FARS2: variants seen among roughly 807,000 people sequenced by gnomAD.
FARS2 encodes the protein phenylalanyl-tRNA synthetase 2, mitochondrial, also known as phenylalanine--tRNA ligase, mitochondrial.
Under a neutral mutation model 46.4 loss-of-function variants are expected in FARS2, and 40 were observed. The ratio of observed to expected loss-of-function variants is 0.86; its 90% CI spans 0.67 to 1.12. The LOEUF is 1.12. Ranked by LOEUF, FARS2 falls within the 50% of genes most tolerant of loss-of-function variation. FARS2 has a pLI of 0.00. For missense variants in FARS2, 513 were observed against 567.9 expected (o/e 0.90, Z 0.98); for synonymous variants, 234 against 214.9 (o/e 1.09, Z -0.78).
chr6:5,345,516 G>A (rs542709084), intron 1 of FARS2, among the ~76,000 whole-genome samples: 18 of 152,258 alleles, frequency 1.2e-4, no homozygotes, highest in Non-Finnish European at 2.2e-4. Flanking sequence ...CTCCTTTACG[G>A]GGCACTTTAC....
chr6:5,707,212 C>A (rs1470460115), intron 6 of FARS2, among the ~76,000 whole-genome samples: 1 of 152,172 alleles, frequency 6.6e-6, no homozygotes, highest in Non-Finnish European at 1.5e-5. Context: ...ATGGACCTAC[C>A]CCAAGCCGAG....
At chr6:5,318,876 G>A (rs1435033663) in intron 1 of FARS2, among the ~76,000 whole-genome samples, 1 of 152,138 alleles carries the variant, frequency 6.6e-6, no homozygotes. Flanking sequence ...ATGCAGAAAA[G>A]GGCGTGGTTG....
intron 3 of FARS2, among the ~76,000 whole-genome samples, chr6:5,423,835 T>G (rs1762699418): frequency 6.6e-6 from 1 of 152,166 alleles, no homozygotes; most frequent in African/African-American, 2.4e-5. Context: ...ATTGCCAGGT[T>G]TGTAAGGCCC....
At chr6:5,417,476 C>T (rs186275801) in intron 3 of FARS2, among the ~76,000 whole-genome samples, 2 of 152,272 alleles carry the variant, frequency 1.3e-5, no homozygotes, top group Non-Finnish European at 2.9e-5. Context: ...ATTCTCCTTC[C>T]TCGGCCTCCC....
chr6:5,691,965 G>A (rs867197394), intron 6 of FARS2, among the ~76,000 whole-genome samples: 2 of 152,190 alleles, frequency 1.3e-5, no homozygotes, highest in Non-Finnish European at 2.9e-5. Context: ...GCGAGGCTCC[G>A]TGGGCGTAGG....
chr6:5,267,860 A>G (rs961091791), intron 1 of FARS2, among the ~76,000 whole-genome samples: 3 of 151,772 alleles, frequency 2.0e-5, no homozygotes, highest in African/African-American at 7.3e-5. Context: ...CCTCTCCAGC[A>G]CCTTTTGTTT....
chr6:5,317,574 A>G (rs76281592), intron 1 of FARS2, among the ~76,000 whole-genome samples: 1 of 151,720 alleles, frequency 6.6e-6, no homozygotes, highest in African/African-American at 2.4e-5. Flanking sequence ...TGAGCCCAGG[A>G]GCTTGAGACC....
At chr6:5,441,185 G>A (rs531890492) in intron 4 of FARS2, among the ~76,000 whole-genome samples, 3 of 152,316 alleles carry the variant, frequency 2.0e-5, no homozygotes, top group Non-Finnish European at 4.4e-5. Flanking sequence ...GCCTCCCAAA[G>A]TGTTGGGATT....
chr6:5,392,786 GTA>G (rs1222051875), intron 2 of FARS2, among the ~76,000 whole-genome samples: 1 of 140,890 alleles, frequency 7.1e-6, no homozygotes, highest in Admixed American at 7.1e-5. Context: ...ATATATGTGT[GTA>G]TATATACATA....
chr6:5,273,654 C>G (rs1766122518), intron 1 of FARS2, among the ~76,000 whole-genome samples: 1 of 152,076 alleles, frequency 6.6e-6, no homozygotes, highest in Non-Finnish European at 1.5e-5. Context: ...GTTTCCTTTG[C>G]TTACAGAAGC....
intron 6 of FARS2, among the ~76,000 whole-genome samples, chr6:5,650,565 C>T (rs1325044034): frequency 1.3e-5 from 2 of 152,148 alleles, no homozygotes; most frequent in African/African-American, 4.8e-5. Flanking sequence ...ACTGCAAGCT[C>T]CCCCTCCTGG....
chr6:5,389,763 T>TA (rs1211191533), intron 2 of FARS2, among the ~76,000 whole-genome samples: 1 of 152,250 alleles, frequency 6.6e-6, no homozygotes, highest in East Asian at 1.9e-4. Flanking sequence ...TTGAAAATGT[T>TA]ACATCTGTTT....
At chr6:5,729,045 G>A (rs1051392050) in intron 6 of FARS2, among the ~76,000 whole-genome samples, 1 of 152,220 alleles carries the variant, frequency 6.6e-6, no homozygotes, top group Non-Finnish European at 1.5e-5. Flanking sequence ...AGATTCCGAT[G>A]GCTTTCGGCA....
intron 5 of FARS2, among the ~76,000 whole-genome samples, chr6:5,551,026 G>A (rs1320685212): frequency 6.6e-6 from 1 of 152,140 alleles, no homozygotes; most frequent in African/African-American, 2.4e-5. Flanking sequence ...GTCTTTTTCA[G>A]TATAGATAGG....
intron 5 of FARS2, among the ~76,000 whole-genome samples, chr6:5,574,670 T>C (rs1582483048): frequency 6.6e-6 from 1 of 152,188 alleles, no homozygotes. Context: ...GAGCTTTAGT[T>C]CCTAGAGGAA....
chr6:5,726,904 C>T (rs1009514456), intron 6 of FARS2, among the ~76,000 whole-genome samples: 16 of 152,204 alleles, frequency 1.1e-4, no homozygotes, highest in African/African-American at 3.6e-4. Flanking sequence ...GTGAGCTTCC[C>T]GGGTAACTGG....
intron 6 of FARS2, among the ~76,000 whole-genome samples, chr6:5,756,198 T>C (rs549019922): frequency 3.3e-5 from 5 of 152,314 alleles, no homozygotes; most frequent in Admixed American, 6.5e-5. Context: ...AGCTACAGCA[T>C]TGGGCACTTA....
At chr6:5,392,625 G>A (rs1760593956) in intron 2 of FARS2, among the ~76,000 whole-genome samples, 1 of 151,698 alleles carries the variant, frequency 6.6e-6, no homozygotes, top group Non-Finnish European at 1.5e-5. Flanking sequence ...GCTTAAGTGG[G>A]AGGATTGCTT....
At chr6:5,568,319 G>C (rs1312958729) in intron 5 of FARS2, among the ~76,000 whole-genome samples, 1 of 152,114 alleles carries the variant, frequency 6.6e-6, no homozygotes, top group Admixed American at 6.6e-5. Context: ...GATTTTTGTT[G>C]ATGTATGTGA....
Sources: gnomAD v4.1 joint callset for allele counts (sites outside exome capture counted in the v4.1 genomes callset) on GRCh38, gnomAD v4.1.1 for gene constraint, MANE v1.5 for transcripts, NCBI Gene and HGNC (gene_info 2026-07-23, HGNC 2026-07-21) for gene names.